The following PLAT variants were observed in gnomAD, a reference collection of about 807,000 sequenced individuals.
The protein encoded by PLAT is tissue-type plasminogen activator.
Under a neutral mutation model 74.9 loss-of-function variants are expected in PLAT, and 48 were observed. The ratio of observed to expected loss-of-function variants is 0.64; its 90% CI spans 0.51 to 0.82. The LOEUF is 0.82. Among genes scored for constraint, PLAT ranks in the 40% least tolerant of loss-of-function variants. The pLI, the probability that PLAT is intolerant of heterozygous loss-of-function variation, is 0.00. For missense variants in PLAT, 673 were observed against 736.2 expected, an observed-to-expected ratio of 0.91 and a Z score of 0.99; for synonymous variants, 307 against 294.4, an observed-to-expected ratio of 1.04 and a Z score of -0.44.
chr8:42,188,004 G>C lies in PLAT; in HGVS notation c.266C>G (p.Pro89Arg). 2 of 1,609,854 alleles carry C rather than the reference G, an allele frequency of 1.2e-6. No individual in the cohort carries two copies. Among genetic ancestry groups the C allele is most frequent in the East Asian group, 4.5e-5 (2 of 44,858 alleles). Residue 89 changes from proline (P) to arginine (R), a missense_variant, in exon 5 of 14, where the codon CCA becomes CGA. By Grantham distance (103) the Pro-to-Arg change is moderately radical. Coordinates refer to ENST00000220809, the MANE Select transcript of PLAT (RefSeq NM_000930.5). The part of the protein sequence containing the change: ...HSVPVKSCSE[P>R]RCFNGGTCQQ... ...GCAGGTGCCCCCGTTGAAACACCTT[G>C]GCTCGCTGCAACCTGTCAAGTATAA...
At chr8:42,202,498 C>T (rs1806170185) in intron 1 of PLAT, among the ~76,000 whole-genome samples, 1 of 152,052 alleles carries the variant, frequency 6.6e-6, no homozygotes, top group Non-Finnish European at 1.5e-5. Context: ...CCTACCAGAC[C>T]CCCACCCTGC....
intron 1 of PLAT, among the ~76,000 whole-genome samples, chr8:42,201,340 A>T (rs981720189): frequency 6.6e-6 from 1 of 152,252 alleles, no homozygotes; most frequent in Non-Finnish European, 1.5e-5. Context: ...GAAAAGAAGC[A>T]GGAAAGTCCT....
chr8:42,180,488 A>T lies in PLAT; in HGVS notation c.1085+2T>A, dbSNP rs1805192202. The T allele has an allele frequency of 6.2e-7, 1 of 1,613,812 alleles. No individual in the cohort carries two copies. The highest frequency in any genetic ancestry group is 1.3e-5 in the African/African-American group (1 of 74,914). On this transcript the variant is annotated splice_donor_variant, in intron 10 of 13. Transcript: ENST00000220809. LOFTEE classifies it high-confidence loss of function. ...AAACCAACTGGGTTTCCGAGCCCCT[A>T]CCTCTCCTGGAAGCAGTGGGCGGCA...
At chr8:42,189,992 C>G (rs1166728663) in intron 3 of PLAT, among the ~76,000 whole-genome samples, 2 of 151,882 alleles carry the variant, frequency 1.3e-5, no homozygotes, top group Non-Finnish European at 2.9e-5. Flanking sequence ...CTCACTGCAA[C>G]CTCTGCCTCC....
chr8:42,189,161 T>A (rs1320771138), intron 3 of PLAT, 90 bp from the exon 4 acceptor site: 15 of 1,352,026 alleles, frequency 1.1e-5, no homozygotes, highest in South Asian at 3.7e-5. Context: ...ACTCCCTCAC[T>A]TGCTTTCTAT....
intron 6 of PLAT, 165 bp downstream of exon 6, chr8:42,187,211 CCTATCATCTATCATCTATCAAT>C: frequency 2.0e-6 from 1 of 499,422 alleles, no homozygotes; most frequent in East Asian, 3.0e-5. Context: ...TAATCTATCA[CCTATCATCTATCATCTATCAAT>C]CTATCATCTA....
In PLAT at chr8:42,181,924, GCCCAGCCCTTA is replaced by G; in HGVS notation, c.889+2_889+12del. Reference sequence around the variant, plus strand: ...GACCAGGTGCAGGGAGGCAGCCGGGGCCCAGCCCTTACAGCAGGAGGGCACATCACAGTACT... The same window carrying G: ...GACCAGGTGCAGGGAGGCAGCCGGGGCAGCAGGAGGGCACATCACAGTACT... On this transcript the variant is annotated splice_donor_variant and splice_donor_5th_base_variant and intron_variant, in intron 9 of 13. Transcript: ENST00000220809. LOFTEE classifies it high-confidence loss of function. 6.4e-7 allele frequency: 1 copy of G among 1,566,166 alleles called. No individual in the cohort carries two copies. Among genetic ancestry groups the G allele is most frequent in the Non-Finnish European group, 8.8e-7 (1 of 1,136,232 alleles).
intron 1 of PLAT, among the ~76,000 whole-genome samples, chr8:42,197,081 G>T (rs1039043229): frequency 1.3e-5 from 2 of 152,196 alleles, no homozygotes; most frequent in Non-Finnish European, 2.9e-5. Flanking sequence ...TTTGCAAAAG[G>T]TACCCTCTCT....
chr8:42,204,088 C>T (rs1350086510), intron 1 of PLAT, among the ~76,000 whole-genome samples: 1 of 151,392 alleles, frequency 6.6e-6, no homozygotes, highest in Non-Finnish European at 1.5e-5. Context: ...AAAACTGAGC[C>T]ACTATCGGAA....
intron 1 of PLAT, among the ~76,000 whole-genome samples, chr8:42,196,269 G>C (rs969630026): frequency 2.0e-5 from 3 of 152,156 alleles, no homozygotes; most frequent in Non-Finnish European, 4.4e-5. Context: ...AAGAGAGCAG[G>C]AGCATATTTT....
At chr8:42,187,604 T>C in intron 5 of PLAT, 32 bp from the exon 6 acceptor site, 1 of 1,551,308 alleles carries the variant, frequency 6.4e-7, no homozygotes, top group South Asian at 1.2e-5. Context: ...ATGCCTCACA[T>C]GGGAGTCCCC....
At chr8:42,185,607 G>C (rs538554844) in intron 6 of PLAT, 1 of 154,064 alleles carries the variant, frequency 6.5e-6, no homozygotes, top group South Asian at 2.0e-4. Context: ...TATCATGTTA[G>C]GCAGGAGTAT....
intron 12 of PLAT, among the ~76,000 whole-genome samples, chr8:42,179,575 C>A (rs1805126686): frequency 6.6e-6 from 1 of 152,188 alleles, no homozygotes; most frequent in South Asian, 2.1e-4. Flanking sequence ...AAATAAAAAT[C>A]CATGTCCACG....
intron 8 of PLAT, 119 bp from the exon 9 acceptor site, chr8:42,182,141 C>T: frequency 1.6e-6 from 1 of 617,166 alleles, no homozygotes; most frequent in Non-Finnish European, 2.9e-6. Flanking sequence ...AAGCAATCCT[C>T]CTGCCTCAGC....
chr8:42,200,156 A>G (rs1248663137), intron 1 of PLAT, among the ~76,000 whole-genome samples: 1 of 152,256 alleles, frequency 6.6e-6, no homozygotes, highest in Non-Finnish European at 1.5e-5. Flanking sequence ...CTTTCCAGGC[A>G]CAGAGTTTAC....
intron 6 of PLAT, chr8:42,187,127 T>A (rs1042212661): frequency 2.8e-6 from 1 of 360,872 alleles, no homozygotes; most frequent in Non-Finnish European, 5.0e-6. Context: ...ATCTATCACC[T>A]ATCATCTGTC....
rs1238403655 is a variant in PLAT, at chr8:42,181,896, G to A, written c.889+41C>T. 4 of 1,165,646 alleles carry A rather than the reference G, an allele frequency of 3.4e-6. No homozygotes were observed. The African/African-American group carries it at 6.0e-5, about 18-fold the overall frequency. The allele number at this position is 1,165,646 out of a possible 1,614,324, so 72.2% of individuals were successfully genotyped here. On this transcript the variant is annotated intron_variant, in intron 9 of 13. Coordinates refer to ENST00000220809, the MANE Select transcript of PLAT (RefSeq NM_000930.5). Reference sequence around the variant, plus strand: ...AAGTGGCGAGGAGATGGTGAAGAAGGGAGACCAGGTGCAGGGAGGCAGCCG... The same window carrying A: ...AAGTGGCGAGGAGATGGTGAAGAAGAGAGACCAGGTGCAGGGAGGCAGCCG...
At chr8:42,195,981 A>C (rs938621264) in intron 1 of PLAT, among the ~76,000 whole-genome samples, 7 of 152,106 alleles carry the variant, frequency 4.6e-5, no homozygotes, top group African/African-American at 1.7e-4. Context: ...CCAGCCTGGG[A>C]TACAGTTTGG....
At chr8:42,180,215 C>T in intron 11 of PLAT, 27 bp downstream of exon 11, 1 of 1,613,596 alleles carries the variant, frequency 6.2e-7, no homozygotes, top group Non-Finnish European at 8.5e-7. Context: ...TCTGTATGAA[C>T]TGGAGCCGGG....
Sources: gnomAD v4.1 joint callset for allele counts (sites outside exome capture counted in the v4.1 genomes callset) on GRCh38, gnomAD v4.1.1 for gene constraint, MANE v1.5 for transcripts, NCBI Gene and HGNC (gene_info 2026-07-23, HGNC 2026-07-21) for gene names.